CFAP299: variants seen among roughly 807,000 people sequenced by gnomAD.
The protein encoded by CFAP299 is cilia and flagella associated protein 299.
A neutral mutation model predicts 27.0 loss-of-function variants in CFAP299; 21 were observed. That is an observed-to-expected ratio of 0.78 (90% confidence interval 0.55 to 1.12). The LOEUF (loss-of-function observed/expected upper bound fraction) is 1.12. CFAP299 is among the 50% of genes most tolerant of loss of function. The pLI is 0.00. For synonymous variants in CFAP299, 104 were observed against 98.1 expected, an observed-to-expected ratio of 1.06 and a Z score of -0.36; for missense variants, 310 against 276.6, an observed-to-expected ratio of 1.12 and a Z score of -0.86.
chr4:80,488,337 A>G (rs1246095055), intron 2 of CFAP299, among the ~76,000 whole-genome samples: 1 of 152,192 alleles, frequency 6.6e-6, no homozygotes, highest in Non-Finnish European at 1.5e-5. Flanking sequence ...ATGAGACTGA[A>G]CCGTGATTGC....
intron 3 of CFAP299, among the ~76,000 whole-genome samples, chr4:80,615,882 G>T (rs1738245643): frequency 6.6e-6 from 1 of 152,030 alleles, no homozygotes; most frequent in Non-Finnish European, 1.5e-5. Flanking sequence ...TGGGCTTCTG[G>T]CCCTCAATAC....
rs190493686 is a variant in CFAP299, at chr4:80,798,433, G to A, written c.334-71560G>A. Among the ~76,000 whole-genome samples the A allele has an allele frequency of 4.0e-3, 610 of 152,150 alleles. 1 individual carries two copies. The highest frequency in any genetic ancestry group is 0.013 in the African/African-American group (558 of 41,524). ...CCAGAGTTTACAAACTCAGTGCCCC[G>A]AGATTCATCAGTGTCCTCCCACACA... On this transcript the variant is annotated intron_variant, in intron 3 of 5. Transcript: ENST00000358105.
intron 2 of CFAP299, among the ~76,000 whole-genome samples, chr4:80,377,114 G>A (rs1195507553): frequency 6.6e-6 from 1 of 151,780 alleles, no homozygotes; most frequent in Non-Finnish European, 1.5e-5. Flanking sequence ...TTTAAATTTT[G>A]ATAAACGCCA....
chr4:80,736,019 C>A (rs1723842674), intron 3 of CFAP299, among the ~76,000 whole-genome samples: 1 of 151,974 alleles, frequency 6.6e-6, no homozygotes, highest in Non-Finnish European at 1.5e-5. Context: ...TTATTCCTCC[C>A]ATTTTGAAGG....
chr4:80,934,028 G>A (rs1163957433), intron 4 of CFAP299, among the ~76,000 whole-genome samples: 24 of 152,022 alleles, frequency 1.6e-4, no homozygotes, highest in Admixed American at 1.4e-3. Flanking sequence ...AAAAACTTTC[G>A]GATTTTCACC....
chr4:80,903,034 A>T (rs1202010566), intron 4 of CFAP299, among the ~76,000 whole-genome samples: 2 of 152,142 alleles, frequency 1.3e-5, no homozygotes, highest in Admixed American at 6.6e-5. Context: ...GATTCTTAGA[A>T]ATCTTCAATC....
intron 2 of CFAP299, among the ~76,000 whole-genome samples, chr4:80,398,069 T>A (rs1578399682): frequency 6.6e-6 from 1 of 152,050 alleles, no homozygotes; most frequent in South Asian, 2.1e-4. Flanking sequence ...CCAAATCATT[T>A]GTGAACTCCC....
At chr4:80,451,293 A>G (rs762425226) in intron 2 of CFAP299, among the ~76,000 whole-genome samples, 3 of 152,132 alleles carry the variant, frequency 2.0e-5, no homozygotes, top group Non-Finnish European at 2.9e-5. Flanking sequence ...TTGTTATGAG[A>G]ATACCAGTCA....
intron 5 of CFAP299, among the ~76,000 whole-genome samples, chr4:80,945,961 C>T (rs1737449492): frequency 6.6e-6 from 1 of 151,860 alleles, no homozygotes; most frequent in Admixed American, 6.6e-5. Flanking sequence ...TGAGACCAGC[C>T]TGGCAAACAT....
intron 2 of CFAP299, among the ~76,000 whole-genome samples, chr4:80,403,501 C>T (rs1726263442): frequency 2.6e-5 from 4 of 152,128 alleles, no homozygotes. Context: ...GAAGACTGCT[C>T]CTAACACAGG....
chr4:80,379,807 A>G (rs377163145), intron 2 of CFAP299, among the ~76,000 whole-genome samples: 7 of 152,042 alleles, frequency 4.6e-5, no homozygotes, highest in African/African-American at 1.7e-4. Context: ...CATTTACTTT[A>G]TCTCCCAGTA....
intron 2 of CFAP299, among the ~76,000 whole-genome samples, chr4:80,528,324 A>G (rs1178816534): frequency 6.6e-6 from 1 of 152,144 alleles, no homozygotes; most frequent in Non-Finnish European, 1.5e-5. Flanking sequence ...TTGAAAAGAA[A>G]AAAAAGGCAA....
rs764720281 is a variant in CFAP299 at position 80,852,694 on chromosome 4, T to G, written c.334-17299T>G. ...TCTGAAGGGTTATCTAAGTAAGATA[T>G]GTTTATTTCTTATTTCTCTATTCAC... On this transcript the variant is annotated intron_variant, in intron 3 of 5. Coordinates refer to ENST00000358105, the MANE Select transcript of CFAP299 (RefSeq NM_152770.3). 3.4e-4 allele frequency among the ~76,000 whole-genome samples: 52 copies of G among 152,328 alleles called. No homozygotes were observed. In the Middle Eastern group the frequency reaches 0.031, roughly 90 times the overall value.
intron 3 of CFAP299, among the ~76,000 whole-genome samples, chr4:80,831,078 G>C (rs1730274201): frequency 6.6e-6 from 1 of 152,080 alleles, no homozygotes; most frequent in African/African-American, 2.4e-5. Context: ...ATACTCAGTG[G>C]TTATACTACC....
At chr4:80,594,578 T>C (rs770023352) in intron 3 of CFAP299, among the ~76,000 whole-genome samples, 3 of 152,232 alleles carry the variant, frequency 2.0e-5, no homozygotes, top group Non-Finnish European at 4.4e-5. Flanking sequence ...GCTTTATATG[T>C]CATTTTCATT....
intron 2 of CFAP299, among the ~76,000 whole-genome samples, chr4:80,423,755 A>G (rs1727404129): frequency 6.6e-6 from 1 of 152,166 alleles, no homozygotes; most frequent in African/African-American, 2.4e-5. Context: ...GGCTGCCAGA[A>G]TGGTGCTGAA....
At chr4:80,934,573 CT>C (rs776889016) in intron 4 of CFAP299, among the ~76,000 whole-genome samples, 5 of 150,936 alleles carry the variant, frequency 3.3e-5, no homozygotes, top group African/African-American at 4.9e-5. Context: ...AACTTTGTTA[CT>C]CATTATTTGT....
chr4:80,372,873 T>C (rs1028556425), intron 2 of CFAP299, among the ~76,000 whole-genome samples: 18 of 152,172 alleles, frequency 1.2e-4, no homozygotes, highest in Non-Finnish European at 2.5e-4. Flanking sequence ...CAAACTGATT[T>C]TGACTTTATT....
chr4:80,884,287 T>C (rs1412871011), intron 4 of CFAP299, among the ~76,000 whole-genome samples: 1 of 152,206 alleles, frequency 6.6e-6, no homozygotes, highest in Non-Finnish European at 1.5e-5. Flanking sequence ...AGTGTCTCAA[T>C]AAATTTTTTA....
Sources: gnomAD v4.1 joint callset for allele counts (sites outside exome capture counted in the v4.1 genomes callset) on GRCh38, gnomAD v4.1.1 for gene constraint, MANE v1.5 for transcripts, NCBI Gene and HGNC (gene_info 2026-07-23, HGNC 2026-07-21) for gene names.